NEK1: variants seen among roughly 807,000 people sequenced by gnomAD.
NEK1 encodes the protein NIMA related kinase 1, also known as serine/threonine-protein kinase Nek1.
NEK1 carries 137 observed loss-of-function variants against 182.1 expected under a neutral mutation model. The ratio of observed to expected loss-of-function variants is 0.75; its 90% CI spans 0.65 to 0.87. The LOEUF is 0.87. NEK1 is among the 40% of genes least tolerant of loss of function. NEK1 has a pLI of 0.00. For missense variants in NEK1, 1,391 were observed against 1,494.4 expected (o/e 0.93, Z 1.14); for synonymous variants, 513 against 492.2 (o/e 1.04, Z -0.56).
At chr4:169,429,671 G>A (rs1737061001) in intron 29 of NEK1, among the ~76,000 whole-genome samples, 1 of 152,014 alleles carries the variant, frequency 6.6e-6, no homozygotes, top group Non-Finnish European at 1.5e-5. Flanking sequence ...ACATTCACAG[G>A]ACCCTAGTTC....
chr4:169,423,096 C>CA (rs1735761487), intron 31 of NEK1, among the ~76,000 whole-genome samples: 1 of 151,998 alleles, frequency 6.6e-6, no homozygotes, highest in South Asian at 2.1e-4. Flanking sequence ...AATTGAAAAT[C>CA]AAAGTGACTA....
intron 27 of NEK1, among the ~76,000 whole-genome samples, chr4:169,447,893 A>G (rs1740882142): frequency 6.6e-6 from 1 of 151,978 alleles, no homozygotes; most frequent in South Asian, 2.1e-4. Context: ...AATAAAATAA[A>G]TAAACATTAT....
intron 18 of NEK1, chr4:169,555,069 T>C: frequency 6.6e-6 from 1 of 152,290 alleles, no homozygotes. Context: ...AAAATATGCA[T>C]ATGTGTAAGT....
chr4:169,497,546 C>A (rs1370037281), intron 23 of NEK1, among the ~76,000 whole-genome samples: 1 of 152,178 alleles, frequency 6.6e-6, no homozygotes, highest in Non-Finnish European at 1.5e-5. Context: ...GCACTTAGTG[C>A]TATAAATTTC....
intron 19 of NEK1, among the ~76,000 whole-genome samples, chr4:169,528,657 G>A (rs566805768): frequency 5.3e-5 from 8 of 152,234 alleles, no homozygotes; most frequent in East Asian, 1.9e-4. Context: ...AAAACTGACA[G>A]AACTAAAAGG....
chr4:169,591,165 G>GGATA (rs1220384713), intron 5 of NEK1, among the ~76,000 whole-genome samples: 2 of 150,236 alleles, frequency 1.3e-5, no homozygotes, highest in Admixed American at 6.6e-5. Flanking sequence ...ACTTCTTTAG[G>GGATA]GATAGGGTCT....
In NEK1 at chr4:169,579,235, A is replaced by T. The variant is rs143590121; in HGVS notation, c.868+1607T>A. On this transcript the variant is annotated intron_variant, in intron 11 of 35. Coordinates refer to ENST00000507142, the MANE Select transcript of NEK1 (RefSeq NM_001199397.3). Reference sequence around the variant, plus strand: ...ATTTATCAGTAATACTACTCCTATTAAGCATTTCATTCAACCAAATGCTCT... The same window carrying T: ...ATTTATCAGTAATACTACTCCTATTTAGCATTTCATTCAACCAAATGCTCT... Among the ~76,000 whole-genome samples the T allele has an allele frequency of 8.5e-5, 13 of 152,292 alleles. No homozygotes were observed. In the East Asian group the frequency reaches 2.1e-3, roughly 25 times the overall value.
intron 19 of NEK1, among the ~76,000 whole-genome samples, chr4:169,530,653 C>T (rs1757530726): frequency 6.6e-6 from 1 of 151,358 alleles, no homozygotes; most frequent in Non-Finnish European, 1.5e-5. Context: ...TGTATGTATA[C>T]ATACATACAA....
intron 24 of NEK1, 85 bp from the exon 25 acceptor site, chr4:169,477,582 T>C: frequency 9.7e-7 from 1 of 1,036,226 alleles, no homozygotes; most frequent in Non-Finnish European, 1.4e-6. Flanking sequence ...CGTTACTTTT[T>C]GGTTTTCATT....
intron 26 of NEK1, among the ~76,000 whole-genome samples, chr4:169,472,783 C>G (rs1746248172): frequency 6.6e-6 from 1 of 152,158 alleles, no homozygotes; most frequent in South Asian, 2.1e-4. Context: ...AACTACTTTT[C>G]ATGTATAAAT....
intron 12 of NEK1, among the ~76,000 whole-genome samples, chr4:169,574,729 AG>A (rs1339766094): frequency 6.6e-6 from 1 of 152,146 alleles, no homozygotes; most frequent in Non-Finnish European, 1.5e-5. Context: ...TGGCAGGATC[AG>A]GCAGCAGGGA....
chr4:169,437,473 G>A (rs1195047064), intron 28 of NEK1, among the ~76,000 whole-genome samples: 1 of 152,166 alleles, frequency 6.6e-6, no homozygotes, highest in African/African-American at 2.4e-5. Flanking sequence ...TTCCCATTGA[G>A]AGGTGGGTTC....
chr4:169,555,905 A>G, intron 17 of NEK1, 27 bp downstream of exon 17: 1 of 1,613,444 alleles, frequency 6.2e-7, no homozygotes, highest in African/African-American at 1.3e-5. Context: ...GCAAAGCATA[A>G]GCAACTTCTG....
In NEK1 at chr4:169,438,173, C is replaced by A; in HGVS notation, c.2674G>T (p.Ala892Ser). Residue 892 changes from alanine (A) to serine (S), a missense_variant, in exon 28 of 36, where the codon GCT becomes TCT. This residue lies in a region of NEK1 where 1,216 missense variants were observed against 1,277.6 expected (regional missense o/e 0.95). Coordinates refer to ENST00000507142, the MANE Select transcript of NEK1 (RefSeq NM_001199397.3). ...GTCTCAACAGGAGAATCAACAATAG[C>A]TGATGGGTTTATTTCATGTGAAATA... ...QCISHEINPSAIVDSPVETKS... is the reference protein window; with the variant it reads ...QCISHEINPSSIVDSPVETKS... The A allele has an allele frequency of 6.2e-7, 1 of 1,604,980 alleles. No individual in the cohort carries two copies. Among genetic ancestry groups the A allele is most frequent in the Non-Finnish European group, 8.5e-7 (1 of 1,174,912 alleles).
Position 169,507,673 on chromosome 4 carries a change from T to TTGTGAGATAG in NEK1, c.1911+41_1911+42insCTATCTCACA, listed in dbSNP as rs1753537826. ...AGAACACAATTTGCTATCTCAGCTT[T>TTGTGAGATAG]CAATTTTCTCTAAGAAAACCTGTAT... On this transcript the variant is annotated intron_variant, in intron 22 of 35. Coordinates refer to ENST00000507142, the MANE Select transcript of NEK1 (RefSeq NM_001199397.3). The TTGTGAGATAG allele has an allele frequency of 1.3e-5, 19 of 1,455,854 alleles. 2 individuals carry two copies. In the African/African-American group the frequency reaches 2.2e-4, roughly 17 times the overall value. The allele number at this position is 1,455,854 out of a possible 1,614,324, so 90.2% of individuals were successfully genotyped here.
chr4:169,594,706 A>G (rs1473132849), intron 5 of NEK1, among the ~76,000 whole-genome samples: 9 of 152,218 alleles, frequency 5.9e-5, no homozygotes, highest in Non-Finnish European at 8.8e-5. Flanking sequence ...CTTCTCACTA[A>G]AACTATTAGC....
At chr4:169,403,411 T>A (rs1184979022) in intron 32 of NEK1, among the ~76,000 whole-genome samples, 1 of 151,886 alleles carries the variant, frequency 6.6e-6, no homozygotes, top group African/African-American at 2.4e-5. Flanking sequence ...GAAAAAAAAT[T>A]GCAAAAAACT....
intron 23 of NEK1, 88 bp downstream of exon 23, chr4:169,506,949 C>A (rs2149689920): frequency 9.2e-6 from 7 of 760,608 alleles, no homozygotes; most frequent in South Asian, 5.7e-5. Context: ...AAAAAAAGCA[C>A]AAGAAAATTA....
chr4:169,459,612 C>T (rs147890076), intron 27 of NEK1, among the ~76,000 whole-genome samples: 286 of 152,290 alleles, frequency 1.9e-3, no homozygotes, highest in African/African-American at 6.8e-3. Flanking sequence ...ATTGCTATCA[C>T]TTGGAAGCAA....
Sources: gnomAD v4.1 joint callset for allele counts (sites outside exome capture counted in the v4.1 genomes callset) on GRCh38, gnomAD v4.1.1 for gene constraint, gnomAD v4.1.1 regional missense constraint, MANE v1.5 for transcripts, NCBI Gene and HGNC (gene_info 2026-07-23, HGNC 2026-07-21) for gene names.